TBRG1: variants seen among roughly 807,000 people sequenced by gnomAD.
TBRG1 encodes the protein nuclear interactor of ARF and MDM2.
TBRG1 carries 31 observed loss-of-function variants against 44.0 expected under a neutral mutation model. That is an observed-to-expected ratio of 0.70 (90% CI 0.53 to 0.95). The LOEUF is 0.95. Among genes scored for constraint, TBRG1 ranks in the 40% least tolerant of loss-of-function variants. The pLI is 0.00. For missense variants in TBRG1, 487 were observed against 496.1 expected (o/e 0.98, Z 0.18); for synonymous variants, 171 against 188.1 (o/e 0.91, Z 0.74).
chr11:124,628,063 TTTTATA>T (rs1384259034), intron 5 of TBRG1, among the ~76,000 whole-genome samples: 2 of 89,072 alleles, frequency 2.2e-5, no homozygotes, highest in East Asian at 3.3e-4. Flanking sequence ...CAAGTAGCTG[TTTTATA>T]TATATATATA....
Position 124,635,691 on chromosome 11 carries a change from C to CATT in TBRG1, c.*3454_*3456dup, listed in dbSNP as rs1942716300. 6.6e-6 allele frequency: 1 copy of CATT among 152,150 alleles called. No individual in the cohort carries two copies. Among genetic ancestry groups the CATT allele is most frequent in the African/African-American group, 2.4e-5 (1 of 41,434 alleles). The allele number at this position is 152,150 out of a possible 1,614,324, so 9.4% of individuals were successfully genotyped here. A position where few individuals can be genotyped will look rare whatever the true frequency, so the allele number is the denominator to read the frequency against. On this transcript the variant is annotated 3_prime_UTR_variant, in exon 9 of 9. Coordinates refer to ENST00000441174, the MANE Select transcript of TBRG1 (RefSeq NM_032811.3). The stretch of plus-strand genomic sequence containing the variant: ...GAGTGATGCTTTTTGCTTTAGTTCT[C>CATT]ATTTTTCACATTAAGGGGAGGAAAG...
Position 124,626,986 on chromosome 11 carries a change from T to G in TBRG1, c.674T>G (p.Met225Arg). 5 of 1,581,386 alleles carry G rather than the reference T, an allele frequency of 3.2e-6. No individual in the cohort carries two copies. The highest frequency in any genetic ancestry group is 4.3e-6 in the Non-Finnish European group (5 of 1,162,062). ...TGCAGTACTCGAATATATGCCAGCA[T>G]GAAGTGCCCAGACCAGAAGTGTCTA... ...GYCSTRIYAS[M>R]KCPDQKCLYT... Residue 225 changes from methionine to arginine, a missense_variant, in exon 5 of 9, where the codon ATG (methionine) becomes AGG (arginine). Physicochemically the swap from Met to Arg is moderately conservative, Grantham distance 91. Transcript: ENST00000441174.
chr11:124,631,625 G>A (rs1942612563), intron 8 of TBRG1: 2 of 607,200 alleles, frequency 3.3e-6, no homozygotes, highest in Non-Finnish European at 5.8e-6. Flanking sequence ...GAGCACCTGC[G>A]ATCATAGTAA....
chr11:124,626,345 A>G (rs899072613), intron 3 of TBRG1, 128 bp from the exon 4 acceptor site: 16 of 868,160 alleles, frequency 1.8e-5, no homozygotes, highest in Admixed American at 8.7e-5. Context: ...CGAAAGCCCC[A>G]TATGCCCATT....
At position 124,632,126 on chromosome 11, in the gene TBRG1, C is replaced by T. The variant is rs775174148; in HGVS notation, c.1124C>T (p.Ala375Val). Residue 375 changes from alanine to valine, a missense_variant, in exon 9 of 9, where the codon GCC becomes GTC. Ala to Val is a moderately conservative substitution (Grantham distance 64). Transcript: ENST00000441174. ...GACCTCCCAGAGCTTCAGCCTGCAG[C>T]CTTTGTGTCTTCTTACCAGCCCATG... Reference protein sequence around the residue: ...SLDLPELQPAAFVSSYQPMYL... With the variant: ...SLDLPELQPAVFVSSYQPMYL... 19 of 1,613,658 alleles carry T rather than the reference C, an allele frequency of 1.2e-5. No individual in the cohort carries two copies. In the South Asian group the frequency reaches 2.1e-4, roughly 18 times the overall value.
At chr11:124,630,163 A>C in intron 5 of TBRG1, 1 of 460,984 alleles carries the variant, frequency 2.2e-6, no homozygotes, top group Middle Eastern at 4.4e-4. Flanking sequence ...TCACTTTTGG[A>C]AAGCTGTCAA....
chr11:124,630,881 T>G, intron 7 of TBRG1, 26 bp downstream of exon 7: 5 of 1,456,574 alleles, frequency 3.4e-6, no homozygotes, highest in Non-Finnish European at 4.7e-6. Context: ...TTCATTCCCT[T>G]GAGAAAAGCT....
In TBRG1 at chr11:124,625,878, A is replaced by C; in HGVS notation, c.429A>C (p.Lys143Asn). The change falls in exon 3 of 9, where the codon AAA (lysine) becomes AAC (asparagine). Residue 143 changes from lysine (K) to asparagine (N), a missense_variant. Coordinates refer to ENST00000441174, the MANE Select transcript of TBRG1 (RefSeq NM_032811.3). The stretch of plus-strand genomic sequence containing the variant: ...AAACTAAGAAGGAGAAAAAAGAAAA[A>C]GGCAAAGAGAACAACAAACTGGAAG... ...GKKTKKEKKEKGKENNKLEVL... is the reference protein window; with the variant it reads ...GKKTKKEKKENGKENNKLEVL... The C allele has an allele frequency of 1.3e-6, 2 of 1,577,836 alleles. No homozygotes were observed. Among genetic ancestry groups the C allele is most frequent in the Non-Finnish European group, 1.7e-6 (2 of 1,164,552 alleles).
At position 124,632,663 on chromosome 11, in the gene TBRG1, G is replaced by A; in HGVS notation, c.*425G>A. On this transcript the variant is annotated 3_prime_UTR_variant, in exon 9 of 9. Transcript: ENST00000441174. ...AGCGCAGATTCAATGTCTGGTGAGG[G>A]CCCACTTCCTAGTTCTTAGACAGCT... The A allele has an allele frequency of 6.2e-6, 1 of 162,504 alleles. No individual in the cohort carries two copies. The highest frequency in any genetic ancestry group is 1.3e-5 in the Non-Finnish European group (1 of 74,830). 10.1% of individuals were successfully genotyped at this position (162,504 alleles called of 1,614,324 possible).
At chr11:124,624,007 A>G (rs1483383174) in intron 1 of TBRG1, among the ~76,000 whole-genome samples, 2 of 152,226 alleles carry the variant, frequency 1.3e-5, no homozygotes, top group Admixed American at 1.3e-4. Flanking sequence ...CATTTTTGGA[A>G]GCATAAGGAA....
At chr11:124,624,363 CA>C (rs61352898) in intron 1 of TBRG1, among the ~76,000 whole-genome samples, 1,397 of 83,582 alleles carry the variant, frequency 0.017, 16 homozygotes, top group African/African-American at 0.045. Flanking sequence ...TCATCATTTA[CA>C]AAAAAAAAAA....
intron 4 of TBRG1, 116 bp from the exon 5 acceptor site, chr11:124,626,782 CTGTCTT>C (rs1942482344): frequency 6.7e-7 from 1 of 1,487,560 alleles, no homozygotes; most frequent in African/African-American, 1.4e-5. Flanking sequence ...AGCCTACTCT[CTGTCTT>C]TGTGTGATTT....
Position 124,632,342 on chromosome 11 carries a change from T to C in TBRG1, c.*104T>C. ...GGCAGCAATTCAGAAGTAAAGAAGA[T>C]ACTAACGTATTTCATCATGGAAGGT... On this transcript the variant is annotated 3_prime_UTR_variant, in exon 9 of 9. Transcript: ENST00000441174. 1 of 953,642 alleles carries C rather than the reference T, an allele frequency of 1.0e-6. No homozygotes were observed. The highest frequency in any genetic ancestry group is 1.6e-6 in the Non-Finnish European group (1 of 633,116). 59.1% of individuals were successfully genotyped at this position (953,642 alleles called of 1,614,324 possible).
chr11:124,626,091 C>T (rs1047241588), intron 3 of TBRG1, among the ~76,000 whole-genome samples, 188 bp downstream of exon 3: 4 of 152,146 alleles, frequency 2.6e-5, no homozygotes, highest in Non-Finnish European at 2.9e-5. Flanking sequence ...TGGAGAAATT[C>T]GAGCTAGACT....
Position 124,625,672 on chromosome 11 carries a change from T to C in TBRG1, c.223T>C (p.Tyr75His). ...KFLKAKEERR[Y>H]LLKKLLQLQA... ...TGCTCCTTTCCTTCCTGATCTCAGG[T>C]ACTTGCTAAAGAAGCTCCTCCAGCT... Residue 75 changes from tyrosine to histidine, a missense_variant and splice_region_variant, in exon 3 of 9, where the codon TAC becomes CAC. Transcript: ENST00000441174. 1 of 1,550,776 alleles carries C rather than the reference T, an allele frequency of 6.4e-7. No homozygotes were observed. Among genetic ancestry groups the C allele is most frequent in the Non-Finnish European group, 8.7e-7 (1 of 1,146,724 alleles).
At chr11:124,628,833 C>T (rs1053249660) in intron 5 of TBRG1, among the ~76,000 whole-genome samples, 1 of 152,096 alleles carries the variant, frequency 6.6e-6, no homozygotes, top group Non-Finnish European at 1.5e-5. Flanking sequence ...ACTAGGTACA[C>T]ATTTGCACCT....
chr11:124,630,750 A>G lies in TBRG1; in HGVS notation c.842A>G (p.Lys281Arg). 6.2e-7 allele frequency: 1 copy of G among 1,602,886 alleles called. No homozygotes were observed. Residue 281 changes from lysine to arginine, a missense_variant, in exon 7 of 9, where the codon AAA (lysine) becomes AGA (arginine). Lys to Arg is a conservative substitution (Grantham distance 26, BLOSUM62 2). Coordinates refer to ENST00000441174, the MANE Select transcript of TBRG1 (RefSeq NM_032811.3). ...ATTATCCCTCTCCTGTTTAGGGGGAAACTAATGCCTAACCTGCTTCCAGCT... is the reference window on the plus strand; with the variant it reads ...ATTATCCCTCTCCTGTTTAGGGGGAGACTAATGCCTAACCTGCTTCCAGCT... Reference protein sequence around the residue: ...LLRTISTTMGKLMPNLLPAGA... With the variant: ...LLRTISTTMGRLMPNLLPAGA...
At chr11:124,623,458 G>A in intron 1 of TBRG1, 2 of 658,836 alleles carry the variant, frequency 3.0e-6, no homozygotes, top group South Asian at 3.1e-5. Flanking sequence ...AATATTAAAT[G>A]AGTAAAGAAA....
intron 1 of TBRG1, among the ~76,000 whole-genome samples, chr11:124,624,542 T>A (rs1423834834): frequency 6.6e-6 from 1 of 152,194 alleles, no homozygotes; most frequent in African/African-American, 2.4e-5. Context: ...ACAGTTTTCA[T>A]ATTTATAGTA....
Sources: allele counts gnomAD v4.1 joint callset (sites outside exome capture counted in the v4.1 genomes callset), GRCh38; gene constraint gnomAD v4.1.1; transcripts MANE v1.5; gene names NCBI Gene and HGNC (gene_info 2026-07-23, HGNC 2026-07-21).